RET: variants seen among roughly 807,000 people sequenced by gnomAD.
RET encodes the protein ret proto-oncogene, also known as proto-oncogene tyrosine-protein kinase receptor Ret.
RET carries 19 observed loss-of-function variants against 118.3 expected under a neutral mutation model. That is an observed-to-expected ratio of 0.16 (90% confidence interval 0.11 to 0.24). The LOEUF (loss-of-function observed/expected upper bound fraction) is 0.24, where lower values mean the gene tolerates loss of function less well. RET is among the 10% of genes least tolerant of loss of function. The pLI, the probability that RET is intolerant of heterozygous loss-of-function variation, is 1.00. For synonymous variants in RET, 597 were observed against 644.1 expected (o/e 0.93, Z 1.11); for missense variants, 1,219 against 1,502.1 (o/e 0.81, Z 3.12).
In RET at chr10:43,109,044, C is replaced by T. The variant is rs1837850027; in HGVS notation, c.1077C>T (p.Asn359=). Residue 359 remains asparagine (N), a synonymous_variant, in exon 6 of 20, where the codon AAC becomes AAT. Transcript: ENST00000355710. ...ATVHDYRLVL[N]RNLSISENRT... ...CCCTACCTGCAGGGCTGGTTCTCAA[C>T]CGGAACCTCTCCATCTCGGAGAACC... 6.2e-7 allele frequency: 1 copy of T among 1,613,128 alleles called. No homozygotes were observed. The highest frequency in any genetic ancestry group is 8.5e-7 in the Non-Finnish European group (1 of 1,180,006).
At chr10:43,112,374 A>C in intron 8 of RET, 150 bp downstream of exon 8, 1 of 1,193,792 alleles carries the variant, frequency 8.4e-7, no homozygotes, top group Non-Finnish European at 1.2e-6. Flanking sequence ...ATGCCAGCAT[A>C]GCGGGCAGCA....
intron 1 of RET, among the ~76,000 whole-genome samples, chr10:43,085,810 G>T (rs1837277483): frequency 6.6e-6 from 1 of 152,100 alleles, no homozygotes; most frequent in Non-Finnish European, 1.5e-5. Context: ...TGAGGTCTTT[G>T]CTCCCAGGAC....
chr10:43,077,371 C>G (rs2132500075), intron 1 of RET, 40 bp downstream of exon 1: 4 of 1,495,166 alleles, frequency 2.7e-6, no homozygotes, highest in Non-Finnish European at 3.5e-6. Context: ...GGGGCCAGGG[C>G]GAAGTTGGCG....
intron 3 of RET, 126 bp from the exon 4 acceptor site, chr10:43,104,826 G>A: frequency 7.1e-7 from 1 of 1,402,462 alleles, no homozygotes; most frequent in Non-Finnish European, 9.6e-7. Context: ...GTGGAGCGGA[G>A]GAGGGGAGGC....
At chr10:43,084,203 G>A (rs1337702816) in intron 1 of RET, among the ~76,000 whole-genome samples, 2 of 152,220 alleles carry the variant, frequency 1.3e-5, no homozygotes, top group Admixed American at 1.3e-4. Context: ...ATAAATACCT[G>A]AGTTCGTGCT....
chr10:43,116,789 T>G (rs1838083031), intron 12 of RET, 58 bp downstream of exon 12: 116 of 715,700 alleles, frequency 1.6e-4, no homozygotes, highest in Non-Finnish European at 2.2e-4. Flanking sequence ...GGGGGGCGGG[T>G]GAGGCCCCTC....
intron 1 of RET, among the ~76,000 whole-genome samples, chr10:43,096,080 C>T (rs1837517856): frequency 6.6e-6 from 1 of 152,184 alleles, no homozygotes; most frequent in Non-Finnish European, 1.5e-5. Flanking sequence ...CAGGCAGACA[C>T]CTGTGTGCTA....
intron 1 of RET, among the ~76,000 whole-genome samples, chr10:43,084,355 C>T (rs768393792): frequency 1.3e-5 from 2 of 152,266 alleles, no homozygotes; most frequent in African/African-American, 2.4e-5. Flanking sequence ...ATTCTCACCA[C>T]CACGCATTAT....
intron 1 of RET, among the ~76,000 whole-genome samples, chr10:43,087,193 G>T (rs1056131798): frequency 6.6e-6 from 1 of 152,196 alleles, no homozygotes; most frequent in East Asian, 1.9e-4. Flanking sequence ...TGCAGGGATC[G>T]TGGTGCCTCC....
chr10:43,088,313 AGGT>A (rs1007022278), intron 1 of RET, among the ~76,000 whole-genome samples: 4 of 139,672 alleles, frequency 2.9e-5, no homozygotes, highest in African/African-American at 1.1e-4. Context: ...ATGATGGTGA[AGGT>A]GGGGATGGTG....
At chr10:43,090,735 C>T (rs1459238815) in intron 1 of RET, among the ~76,000 whole-genome samples, 4 of 151,054 alleles carry the variant, frequency 2.6e-5, no homozygotes, top group Admixed American at 2.0e-4. Context: ...ACCTTTTTTG[C>T]GCACCCAGGC....
At chr10:43,126,470 TG>T in intron 18 of RET, 104 bp from the exon 19 acceptor site, 1 of 1,023,004 alleles carries the variant, frequency 9.8e-7, no homozygotes, top group Non-Finnish European at 1.5e-6. Context: ...TGGTGCGAGG[TG>T]GAGACACAGC....
At chr10:43,083,177 A>G (rs1837221702) in intron 1 of RET, among the ~76,000 whole-genome samples, 1 of 152,178 alleles carries the variant, frequency 6.6e-6, no homozygotes, top group African/African-American at 2.4e-5. Context: ...CAGCCTGGCT[A>G]TGGGACCCAG....
intron 9 of RET, 105 bp downstream of exon 9, chr10:43,113,068 C>A: frequency 2.2e-6 from 2 of 906,946 alleles, no homozygotes; most frequent in Non-Finnish European, 1.8e-6. Flanking sequence ...CAGTTCTATG[C>A]ATCAAGCTGA....
chr10:43,112,536 G>A (rs2093749012), intron 8 of RET, among the ~76,000 whole-genome samples: 1 of 152,206 alleles, frequency 6.6e-6, no homozygotes, highest in African/African-American at 2.4e-5. Context: ...TGTGGTGTGG[G>A]CAGGGGACTC....
Position 43,120,212 on chromosome 10 carries a change from TC to T in RET, c.2730+12del, listed in dbSNP as rs770024338. The T allele has an allele frequency of 2.1e-5, 34 of 1,612,222 alleles. No individual in the cohort carries two copies. The highest frequency in any genetic ancestry group is 2.8e-5 in the Non-Finnish European group (33 of 1,179,916). On this transcript the variant is annotated intron_variant, in intron 15 of 19. Coordinates refer to ENST00000355710, the MANE Select transcript of RET (RefSeq NM_020975.6). Reference sequence around the variant, plus strand: ...ACGTGAAGAGGAGCCAGGTGCCCAGTCCCGGGGATGAGGCGGGGCTCCCAGG... The same window carrying T: ...ACGTGAAGAGGAGCCAGGTGCCCAGTCCGGGGATGAGGCGGGGCTCCCAGG...
chr10:43,106,659 C>G lies in RET; in HGVS notation c.1063+88C>G, dbSNP rs1837788173. The G allele has an allele frequency of 1.5e-6, 2 of 1,357,430 alleles. No individual in the cohort carries two copies. The highest frequency in any genetic ancestry group is 2.1e-6 in the Non-Finnish European group (2 of 974,120). 84.1% of individuals were successfully genotyped at this position (1,357,430 alleles called of 1,614,324 possible). ...GGGCAAGCAGCACCCTACACACATG[C>G]ACACCTGGCATGGCCCTCTGTGGCC... On this transcript the variant is annotated intron_variant, in intron 5 of 19. Coordinates refer to ENST00000355710, the MANE Select transcript of RET (RefSeq NM_020975.6). This position sits in a 1 kb window ranked among gnomAD's most constrained non-coding sequence, Gnocchi z 5.1.
chr10:43,084,916 G>A (rs1033090258), intron 1 of RET, among the ~76,000 whole-genome samples: 1 of 152,152 alleles, frequency 6.6e-6, no homozygotes, highest in African/African-American at 2.4e-5. Context: ...TCAGCAGCAG[G>A]GGAACCAGGG....
At chr10:43,084,929 G>T (rs957707880) in intron 1 of RET, among the ~76,000 whole-genome samples, 1 of 152,202 alleles carries the variant, frequency 6.6e-6, no homozygotes, top group South Asian at 2.1e-4. Flanking sequence ...AACCAGGGCC[G>T]CCCTCTCTCG....
Sources: gnomAD v4.1 joint callset for allele counts (sites outside exome capture counted in the v4.1 genomes callset) on GRCh38, gnomAD v4.1.1 for gene constraint, Gnocchi (gnomAD v3.1) non-coding constraint, MANE v1.5 for transcripts, NCBI Gene and HGNC (gene_info 2026-07-23, HGNC 2026-07-21) for gene names.